The following DAB1 variants were observed in gnomAD, a reference collection of about 807,000 sequenced individuals.
DAB1 encodes the protein DAB adaptor protein 1, also known as disabled homolog 1.
A neutral mutation model predicts 64.6 loss-of-function variants in DAB1; 15 were observed. The ratio of observed to expected loss-of-function variants is 0.23; its 90% CI spans 0.16 to 0.36. The LOEUF is 0.36. DAB1 is among the 10% of genes least tolerant of loss of function. The probability of loss-of-function intolerance (pLI) is 1.00; values close to 1 mark genes in which losing one functional copy is unlikely to be tolerated. For missense variants in DAB1, 596 were observed against 706.7 expected (o/e 0.84, Z 1.78); for synonymous variants, 235 against 251.9 (o/e 0.93, Z 0.64).
At chr1:57,011,358 A>G (rs1019645163) in intron 12 of DAB1, 86 bp from the exon 13 acceptor site, 3 of 1,488,936 alleles carry the variant, frequency 2.0e-6, no homozygotes, top group Non-Finnish European at 2.7e-6. Flanking sequence ...ATCTGCTTAT[A>G]TTGAAGTCAA....
intron 4 of DAB1, among the ~76,000 whole-genome samples, chr1:58,241,128 T>A (rs1370145728): frequency 6.6e-6 from 1 of 152,178 alleles, no homozygotes. Flanking sequence ...ATATTCTTGA[T>A]ATAGCTCAGC....
At chr1:58,125,649 T>G (rs189798228) in intron 5 of DAB1, among the ~76,000 whole-genome samples, 76 of 152,234 alleles carry the variant, frequency 5.0e-4, no homozygotes, top group African/African-American at 1.7e-3. Context: ...TGCCACTGTA[T>G]TGCCCAGGCT....
In DAB1 at chr1:57,014,948, T is replaced by A. The variant is rs777129913; in HGVS notation, c.1379A>T (p.Asp460Val). The A allele has an allele frequency of 6.2e-7, 1 of 1,612,166 alleles. No homozygotes were observed. Among genetic ancestry groups the A allele is most frequent in the Non-Finnish European group, 8.5e-7 (1 of 1,179,062 alleles). ...VGVAQDTDDC[D>V]DFDISQLNLT... ...ATTCAACTGGGAGATGTCAAAGTCA[T>A]CACAGTCGTCTGTATCCTGTGCCAC... is the stretch of plus-strand genomic sequence containing the variant. Residue 460 changes from aspartate to valine, a missense_variant, in exon 12 of 15, where the codon GAT (aspartate) becomes GTT (valine). By Grantham distance (152) the Asp-to-Val change is radical (BLOSUM62 -3). Around this residue, in one of 3 missense-constraint regions of DAB1, gnomAD observed 377 missense variants for 400.4 expected, o/e 0.94. Coordinates refer to ENST00000371236, the MANE Select transcript of DAB1 (RefSeq NM_001365792.1).
At chr1:57,621,283 T>TGCGTGG (rs1159095166) in intron 7 of DAB1, among the ~76,000 whole-genome samples, 16 of 151,242 alleles carry the variant, frequency 1.1e-4, no homozygotes, top group African/African-American at 3.9e-4. Context: ...TGTGTGCGTG[T>TGCGTGG]GTAGGAGCCC....
intron 1 of DAB1, among the ~76,000 whole-genome samples, chr1:57,349,982 G>A (rs1424469): frequency 0.5 from 76,248 of 152,010 alleles, 19,843 homozygotes; most frequent in African/African-American, 0.55. Flanking sequence ...TCATTTCTAT[G>A]GCAGTAAAGC....
rs140940612 is a variant in DAB1 at position 57,445,128 on chromosome 1, T to G, written n.626-153962A>C. Among the ~76,000 whole-genome samples, 568 of 152,274 alleles carry G rather than the reference T, an allele frequency of 3.7e-3. 9 individuals are homozygous for G. The South Asian group carries it at 0.051, about 14-fold the overall frequency. The stretch of plus-strand genomic sequence containing the variant: ...TTAAAAATGTTATGGGTATAAAATA[T>G]TTTTAGAGTTTTATTAACTTCTTAT... On this transcript the variant is annotated intron_variant and non_coding_transcript_variant, in intron 7 of 20. Coordinates refer to the DAB1 transcript ENST00000485760.
intron 4 of DAB1, among the ~76,000 whole-genome samples, chr1:58,254,309 G>C (rs1164435836): frequency 2.6e-5 from 4 of 152,078 alleles, no homozygotes; most frequent in African/African-American, 9.7e-5. Flanking sequence ...TCCTACTCCA[G>C]TGCTGCCCCC....
At chr1:58,518,954 A>G (rs1177342945) in intron 2 of DAB1, among the ~76,000 whole-genome samples, 2 of 152,220 alleles carry the variant, frequency 1.3e-5, no homozygotes, top group Non-Finnish European at 2.9e-5. Context: ...CTTGATCATA[A>G]TCACACAGCT....
At chr1:58,173,375 C>T (rs1188190026) in intron 4 of DAB1, among the ~76,000 whole-genome samples, 2 of 152,082 alleles carry the variant, frequency 1.3e-5, no homozygotes, top group African/African-American at 4.8e-5. Flanking sequence ...TCAGGGCCTC[C>T]AAAAATCATC....
intron 7 of DAB1, among the ~76,000 whole-genome samples, chr1:57,497,488 T>C (rs1644244145): frequency 1.3e-5 from 2 of 152,124 alleles, no homozygotes; most frequent in Non-Finnish European, 2.9e-5. Context: ...CCTCATGGAG[T>C]TTCTAGTCTA....
chr1:57,493,762 G>GCACGCACACACACACACACACACA (rs1414667024), intron 7 of DAB1, among the ~76,000 whole-genome samples: 2 of 150,094 alleles, frequency 1.3e-5, no homozygotes, highest in African/African-American at 5.0e-5. Context: ...CGTATTCACA[G>GCACGCACACACACACACACACACA]CTCACACACA....
At chr1:57,023,420 C>T (rs1646683196) in intron 11 of DAB1, 111 bp downstream of exon 11, 1 of 672,496 alleles carries the variant, frequency 1.5e-6, no homozygotes, top group Non-Finnish European at 2.7e-6. Context: ...TGAAGAGTCA[C>T]AGGAGAGAAC....
At chr1:57,665,842 T>A (rs56042942) in intron 6 of DAB1, among the ~76,000 whole-genome samples, 46,034 of 141,264 alleles carry the variant, frequency 0.33, 7,562 homozygotes, top group Non-Finnish European at 0.39. Context: ...CCTTTTTTTT[T>A]AATTATCTGT....
chr1:57,403,498 AC>A (rs1182136309), intron 1 of DAB1, among the ~76,000 whole-genome samples: 1 of 152,166 alleles, frequency 6.6e-6, no homozygotes, highest in Non-Finnish European at 1.5e-5. Flanking sequence ...AATAAGCTAG[AC>A]TTTTGTCATT....
intron 5 of DAB1, among the ~76,000 whole-genome samples, chr1:58,051,765 T>C (rs999032023): frequency 5.3e-5 from 8 of 152,234 alleles, no homozygotes; most frequent in African/African-American, 1.4e-4. Flanking sequence ...TGGTATCTCA[T>C]TGTGATTTTG....
intron 6 of DAB1, among the ~76,000 whole-genome samples, chr1:57,703,868 G>A (rs186594040): frequency 1.3e-3 from 201 of 152,240 alleles, no homozygotes; most frequent in African/African-American, 4.7e-3. Context: ...AGAAAAGAAT[G>A]AGATCATGTC....
chr1:57,760,786 T>G (rs1649051735), intron 6 of DAB1, among the ~76,000 whole-genome samples: 1 of 152,084 alleles, frequency 6.6e-6, no homozygotes, highest in South Asian at 2.1e-4. Flanking sequence ...AGGCTGGCCA[T>G]GACATGTCCT....
intron 7 of DAB1, among the ~76,000 whole-genome samples, chr1:57,484,036 G>C (rs1055287918): frequency 1.1e-4 from 16 of 152,122 alleles, no homozygotes; most frequent in African/African-American, 3.9e-4. Flanking sequence ...GAGAGGTGGG[G>C]GCAAGGTGGG....
At chr1:57,116,385 C>G (rs1656113227) in intron 4 of DAB1, among the ~76,000 whole-genome samples, 1 of 141,264 alleles carries the variant, frequency 7.1e-6, no homozygotes, top group South Asian at 2.2e-4. Flanking sequence ...TCACTTGAAC[C>G]CGGGAGGTGG....
Sources: gnomAD v4.1 joint callset for allele counts (sites outside exome capture counted in the v4.1 genomes callset) on GRCh38, gnomAD v4.1.1 for gene constraint, gnomAD v4.1.1 regional missense constraint, MANE v1.5 for transcripts, NCBI Gene and HGNC (gene_info 2026-07-23, HGNC 2026-07-21) for gene names.